Variants in XPNPEP1 observed in about 807,000 individuals in gnomAD.
The protein encoded by XPNPEP1 is X-prolyl aminopeptidase 1.
XPNPEP1 carries 39 observed loss-of-function variants against 92.4 expected under a neutral mutation model. That is an observed-to-expected ratio of 0.42 (90% CI 0.33 to 0.55). The LOEUF (loss-of-function observed/expected upper bound fraction) is 0.55. Among genes scored for constraint, XPNPEP1 ranks in the 20% least tolerant of loss-of-function variants. The pLI is 0.08. For missense variants in XPNPEP1, 654 were observed against 856.1 expected, an observed-to-expected ratio of 0.76 and a Z score of 2.95; for synonymous variants, 307 against 299.4, an observed-to-expected ratio of 1.03 and a Z score of -0.26.
rs1564749265 is a variant in XPNPEP1 at position 109,874,575 on chromosome 10, C to G, written c.1391+953G>C. On this transcript the variant is annotated intron_variant, in intron 15 of 20. Transcript: ENST00000502935. ...GTCCCAAGGCCAGGCATGGTTGCCACGTAATTGGCTGAGCTCATTCAATAA... is the reference window on the plus strand; with the variant it reads ...GTCCCAAGGCCAGGCATGGTTGCCAGGTAATTGGCTGAGCTCATTCAATAA... Among the ~76,000 whole-genome samples the G allele has an allele frequency of 2.6e-5, 4 of 152,210 alleles. No homozygotes were observed. In the South Asian group the frequency reaches 8.3e-4, roughly 31 times the overall value.
At chr10:109,879,562 T>G (rs1050545662) in intron 12 of XPNPEP1, among the ~76,000 whole-genome samples, 29 of 151,948 alleles carry the variant, frequency 1.9e-4, no homozygotes, top group Admixed American at 7.2e-4. Context: ...AGAGTGAGAC[T>G]CCGTCTCAAA....
chr10:109,898,921 A>G (rs182843194), intron 3 of XPNPEP1, among the ~76,000 whole-genome samples: 126 of 152,340 alleles, frequency 8.3e-4, no homozygotes, highest in East Asian at 5.6e-3. Flanking sequence ...AGTCCACATT[A>G]GCGTGACATC....
intron 7 of XPNPEP1, among the ~76,000 whole-genome samples, chr10:109,887,726 G>A (rs190609200): frequency 1.3e-5 from 2 of 152,326 alleles, no homozygotes; most frequent in Admixed American, 1.3e-4. Flanking sequence ...AAACCTCTAT[G>A]CTCTATTTCC....
At chr10:109,878,111 CT>C in intron 12 of XPNPEP1, 53 bp from the exon 13 acceptor site, 4 of 1,604,820 alleles carry the variant, frequency 2.5e-6, no homozygotes, top group Non-Finnish European at 3.4e-6. Flanking sequence ...ATGTGTGCCT[CT>C]TACAAATTAG....
chr10:109,869,670 G>A (rs1162738800), intron 19 of XPNPEP1, among the ~76,000 whole-genome samples: 1 of 152,164 alleles, frequency 6.6e-6, no homozygotes, highest in African/African-American at 2.4e-5. Context: ...GAGGGTCTGT[G>A]AATCCCAGTT....
At chr10:109,868,493 T>G in intron 20 of XPNPEP1, 121 bp downstream of exon 20, 4 of 950,468 alleles carry the variant, frequency 4.2e-6, no homozygotes, top group Non-Finnish European at 6.3e-6. Context: ...ACCTCTAAAT[T>G]TAAAAATTAC....
At position 109,880,190 on chromosome 10, in the gene XPNPEP1, C is replaced by T. The variant is rs767052166; in HGVS notation, c.1180G>A (p.Glu394Lys). 1.2e-6 allele frequency: 2 copies of T among 1,614,022 alleles called. No individual in the cohort carries two copies. Among genetic ancestry groups the T allele is most frequent in the South Asian group, 2.2e-5 (2 of 91,090 alleles). ...LCELFNWLEK[E>K]VPKGGVTEIS... ...TTAAACAAAGACTAAGAACCAACCTCTTTCTCCAGCCAGTTAAAGAGTTCA... is the reference window on the plus strand; with the variant it reads ...TTAAACAAAGACTAAGAACCAACCTTTTTCTCCAGCCAGTTAAAGAGTTCA... Residue 394 changes from glutamate to lysine, a missense_variant and splice_region_variant, in exon 12 of 21, where the codon GAG becomes AAG. By Grantham distance (56) the Glu-to-Lys change is moderately conservative (BLOSUM62 1). Transcript: ENST00000502935.
At chr10:109,888,928 G>A (rs556563368) in intron 5 of XPNPEP1, among the ~76,000 whole-genome samples, 5 of 152,292 alleles carry the variant, frequency 3.3e-5, no homozygotes, top group East Asian at 1.9e-4. Context: ...TCTCCTCAGC[G>A]TTCAGTCACT....
chr10:109,923,144 C>G lies in XPNPEP1; in HGVS notation c.32+258G>C, dbSNP rs903746686. On this transcript the variant is annotated intron_variant, in intron 1 of 20. Transcript: ENST00000502935. ...CCTCAGGCCGAGTGCAGCAGTTCCGCGGGCATACGCGTCCAGGAACCAGAC... is the reference window on the plus strand; with the variant it reads ...CCTCAGGCCGAGTGCAGCAGTTCCGGGGGCATACGCGTCCAGGAACCAGAC... The G allele has an allele frequency of 6.1e-6, 6 of 983,544 alleles. No individual in the cohort carries two copies. The African/African-American group carries it at 1.0e-4, about 17-fold the overall frequency. 60.9% of individuals were successfully genotyped at this position (983,544 alleles called of 1,614,324 possible).
chr10:109,921,546 T>G (rs910336663), intron 1 of XPNPEP1, among the ~76,000 whole-genome samples: 1 of 152,156 alleles, frequency 6.6e-6, no homozygotes, highest in African/African-American at 2.4e-5. Context: ...GAATCACACA[T>G]GTGTAGCGTT....
intron 3 of XPNPEP1, among the ~76,000 whole-genome samples, chr10:109,899,939 G>A (rs1173064424): frequency 6.6e-6 from 1 of 152,192 alleles, no homozygotes; most frequent in Non-Finnish European, 1.5e-5. Context: ...CGACTAGGAT[G>A]GTACATGAAA....
At position 109,888,557 on chromosome 10, in the gene XPNPEP1, T is replaced by A. The variant is rs760062218; in HGVS notation, c.454A>T (p.Ser152Cys). ...DTPTQEDWLV[S>C]VLPEGSRVGV... is the part of the protein sequence containing the mutation. ...ACCCTGGATCCTTCAGGAAGCACAC[T>A]CACCAGCCAGTCTTCCTGAGTTGGT... The change falls in exon 6 of 21, where the codon AGT (serine) becomes TGT (cysteine). Residue 152 changes from serine to cysteine, a missense_variant. By Grantham distance (112) the Ser-to-Cys change is moderately radical. Transcript: ENST00000502935. 2 of 1,610,846 alleles carry A rather than the reference T, an allele frequency of 1.2e-6. No homozygotes were observed. The highest frequency in any genetic ancestry group is 2.2e-5 in the South Asian group (2 of 90,286).
intron 14 of XPNPEP1, 137 bp from the exon 15 acceptor site, chr10:109,875,736 G>A: frequency 1.6e-6 from 1 of 640,592 alleles, no homozygotes; most frequent in East Asian, 2.9e-5. Flanking sequence ...AGAAAGTTAT[G>A]CAATAATGAA....
intron 20 of XPNPEP1, among the ~76,000 whole-genome samples, 180 bp downstream of exon 20, chr10:109,868,434 G>T (rs1192648770): frequency 1.3e-5 from 2 of 151,824 alleles, no homozygotes; most frequent in Non-Finnish European, 2.9e-5. Flanking sequence ...TACAGGAAAA[G>T]CTCAGGAGTC....
In XPNPEP1 at chr10:109,871,128, C is replaced by T. The variant is rs530405169; in HGVS notation, c.1523-224G>A. Reference sequence around the variant, plus strand: ...ATCATCCATTCAGGATGCTGGTGAGCGGGGATAGACACCTACAGCACACAG... The same window carrying T: ...ATCATCCATTCAGGATGCTGGTGAGTGGGGATAGACACCTACAGCACACAG... On this transcript the variant is annotated intron_variant, in intron 17 of 20. Transcript: ENST00000502935. 60 of 431,872 alleles carry T rather than the reference C, an allele frequency of 1.4e-4. No homozygotes were observed. The South Asian group carries it at 2.0e-3, about 14-fold the overall frequency. The allele number at this position is 431,872 out of a possible 1,614,324, so 26.8% of individuals were successfully genotyped here.
chr10:109,881,020 C>T, intron 10 of XPNPEP1, 89 bp from the exon 11 acceptor site: 2 of 1,293,778 alleles, frequency 1.5e-6, no homozygotes, highest in Non-Finnish European at 2.2e-6. Flanking sequence ...GCAAAACTTA[C>T]TTTAGACAAA....
At chr10:109,902,480 C>G (rs1274139952) in intron 3 of XPNPEP1, among the ~76,000 whole-genome samples, 4 of 152,232 alleles carry the variant, frequency 2.6e-5, no homozygotes, top group African/African-American at 9.6e-5. Context: ...AGAGCTCATA[C>G]GCTTACCTAT....
chr10:109,888,684 T>C, intron 5 of XPNPEP1, 89 bp from the exon 6 acceptor site: 2 of 997,582 alleles, frequency 2.0e-6, no homozygotes, highest in African/African-American at 1.6e-5. Flanking sequence ...AACATCATGA[T>C]AGCAGGGTCT....
intron 17 of XPNPEP1, among the ~76,000 whole-genome samples, chr10:109,871,537 A>G (rs1847473274): frequency 6.6e-6 from 1 of 152,162 alleles, no homozygotes; most frequent in Admixed American, 6.5e-5. Context: ...AGCCATCCAC[A>G]TGTGTCATCC....
Sources: allele counts gnomAD v4.1 joint callset (sites outside exome capture counted in the v4.1 genomes callset), GRCh38; gene constraint gnomAD v4.1.1; transcripts MANE v1.5; gene names NCBI Gene and HGNC (gene_info 2026-07-23, HGNC 2026-07-21).